Variants in LANCL2 observed in about 807,000 individuals in gnomAD.
LANCL2 encodes LanC like glutathione S-transferase 2, also known as lanC-like protein 2.
A neutral mutation model predicts 56.9 loss-of-function variants in LANCL2; 33 were observed. The observed-to-expected ratio is 0.58, with a 90% CI of 0.44 to 0.78. The LOEUF is 0.78. Ranked by LOEUF, LANCL2 falls within the 30% of genes least tolerant of loss-of-function variation. LANCL2 has a pLI of 0.00. For synonymous variants in LANCL2, 233 were observed against 228.2 expected, an observed-to-expected ratio of 1.02 and a Z score of -0.19; for missense variants, 562 against 580.2, an observed-to-expected ratio of 0.97 and a Z score of 0.32.
chr7:55,390,940 T>C (rs1453893431), intron 1 of LANCL2, among the ~76,000 whole-genome samples: 1 of 151,846 alleles, frequency 6.6e-6, no homozygotes, highest in African/African-American at 2.4e-5. Context: ...TTTATATATA[T>C]ATATTTTTTA....
intron 6 of LANCL2, among the ~76,000 whole-genome samples, chr7:55,417,008 C>T (rs1583763344): frequency 9.6e-6 from 1 of 104,408 alleles, no homozygotes. Flanking sequence ...GAGACAGAGT[C>T]TCACTCTGTC....
intron 6 of LANCL2, among the ~76,000 whole-genome samples, chr7:55,413,029 T>A (rs1790488051): frequency 6.6e-6 from 1 of 152,244 alleles, no homozygotes; most frequent in Non-Finnish European, 1.5e-5. Flanking sequence ...AAATTTTTAG[T>A]CCTCCTACAA....
intron 2 of LANCL2, among the ~76,000 whole-genome samples, chr7:55,394,974 C>T (rs78209465): frequency 0.024 from 3,720 of 152,262 alleles, 162 homozygotes; most frequent in African/African-American, 0.085. Context: ...TGCTGGCCCC[C>T]GCTGACAGTG....
intron 1 of LANCL2, among the ~76,000 whole-genome samples, chr7:55,374,570 T>C (rs1181400306): frequency 6.6e-6 from 1 of 152,188 alleles, no homozygotes; most frequent in East Asian, 1.9e-4. Flanking sequence ...TTTTCCCATG[T>C]AGTAATTAGC....
Position 55,431,525 on chromosome 7 carries a change from T to C in LANCL2, c.*205T>C, listed in dbSNP as rs1446983764. 4 of 530,126 alleles carry C rather than the reference T, an allele frequency of 7.5e-6. No homozygotes were observed. Among genetic ancestry groups the C allele is most frequent in the Non-Finnish European group, 1.3e-5 (4 of 300,786 alleles). The allele number at this position is 530,126 out of a possible 1,614,324, so 32.8% of individuals were successfully genotyped here. On this transcript the variant is annotated 3_prime_UTR_variant, in exon 9 of 9. Coordinates refer to ENST00000254770, the MANE Select transcript of LANCL2 (RefSeq NM_018697.4). The stretch of plus-strand genomic sequence containing the variant: ...CAATATAAAATATGACTTCTTCACA[T>C]ACAGATTCTCTGTAGTGTTTGCATG...
chr7:55,432,310 G>T lies in LANCL2; in HGVS notation c.*990G>T, dbSNP rs1790738666. On this transcript the variant is annotated 3_prime_UTR_variant, in exon 9 of 9. Coordinates refer to ENST00000254770, the MANE Select transcript of LANCL2 (RefSeq NM_018697.4). Reference sequence around the variant, plus strand: ...TGGAAAGTTATCAAAATCTAAATTTGGAATGAATGCATTTCCTATTTTTTG... The same window carrying T: ...TGGAAAGTTATCAAAATCTAAATTTTGAATGAATGCATTTCCTATTTTTTG... 6.6e-6 allele frequency: 1 copy of T among 152,118 alleles called. No individual in the cohort carries two copies. The highest frequency in any genetic ancestry group is 1.9e-4 in the East Asian group (1 of 5,200). 9.4% of individuals were successfully genotyped at this position (152,118 alleles called of 1,614,324 possible). A position where few individuals can be genotyped will look rare whatever the true frequency, so the allele number is the denominator to read the frequency against.
intron 5 of LANCL2, among the ~76,000 whole-genome samples, chr7:55,406,549 A>T (rs575575346): frequency 6.6e-6 from 1 of 152,282 alleles, no homozygotes; most frequent in South Asian, 2.1e-4. Flanking sequence ...CTTAGCTTCA[A>T]GGTTGCCTCA....
At chr7:55,429,927 C>T (rs1005772689) in intron 8 of LANCL2, among the ~76,000 whole-genome samples, 14 of 152,268 alleles carry the variant, frequency 9.2e-5, no homozygotes, top group Admixed American at 1.3e-4. Flanking sequence ...AAGCCGTGTG[C>T]CTAGCAATGC....
At chr7:55,373,421 G>C (rs1276127942) in intron 1 of LANCL2, among the ~76,000 whole-genome samples, 1 of 152,014 alleles carries the variant, frequency 6.6e-6, no homozygotes, top group Non-Finnish European at 1.5e-5. Flanking sequence ...CTCCCAAGTA[G>C]CTGGGACTGC....
chr7:55,367,690 A>C lies in LANCL2; in HGVS notation c.204+1461A>C, dbSNP rs150969531. On this transcript the variant is annotated intron_variant, in intron 1 of 8. Transcript: ENST00000254770. Reference sequence around the variant, plus strand: ...CAGTGAGTGGAGATTGCGCCATTGCACTCCAGCCTGGGCGACAGAGCTAGA... The same window carrying C: ...CAGTGAGTGGAGATTGCGCCATTGCCCTCCAGCCTGGGCGACAGAGCTAGA... Among the ~76,000 whole-genome samples the C allele has an allele frequency of 7.3e-3, 1,116 of 152,280 alleles. 17 individuals carry two copies. Among genetic ancestry groups the C allele is most frequent in the African/African-American group, 0.026 (1,065 of 41,538 alleles).
chr7:55,416,992 T>G (rs13236093), intron 6 of LANCL2, among the ~76,000 whole-genome samples: 6 of 89,148 alleles, frequency 6.7e-5, no homozygotes, highest in South Asian at 3.3e-4. Flanking sequence ...TTTTTTTTTT[T>G]TTTTGGAGAC....
chr7:55,368,868 G>A lies in LANCL2; in HGVS notation c.204+2639G>A, dbSNP rs572898640. Reference sequence around the variant, plus strand: ...TTCTTATATGAAGAAAAGAGAAGCAGGTATGATGGCTCATGCCTGTAATAC... The same window carrying A: ...TTCTTATATGAAGAAAAGAGAAGCAAGTATGATGGCTCATGCCTGTAATAC... On this transcript the variant is annotated intron_variant, in intron 1 of 8. Transcript: ENST00000254770. Among the ~76,000 whole-genome samples, 10 of 152,340 alleles carry A rather than the reference G, an allele frequency of 6.6e-5. No homozygotes were observed. The South Asian group carries it at 2.1e-3, about 32-fold the overall frequency.
chr7:55,430,699 G>T (rs1419805947), intron 8 of LANCL2, among the ~76,000 whole-genome samples: 1 of 152,196 alleles, frequency 6.6e-6, no homozygotes, highest in Non-Finnish European at 1.5e-5. Flanking sequence ...CAGGAGACCT[G>T]GAGGCCTTGG....
intron 1 of LANCL2, among the ~76,000 whole-genome samples, chr7:55,380,870 T>C (rs1161866342): frequency 5.1e-5 from 2 of 39,508 alleles, no homozygotes; most frequent in African/African-American, 1.2e-4. Context: ...AGTGAATTTC[T>C]TTTTTTTTTT....
intron 1 of LANCL2, among the ~76,000 whole-genome samples, chr7:55,379,420 T>C (rs1407799614): frequency 6.6e-6 from 1 of 152,230 alleles, no homozygotes; most frequent in East Asian, 1.9e-4. Flanking sequence ...AACTGTGTCA[T>C]GTGGCCACCC....
chr7:55,394,535 G>A (rs1052335175), intron 2 of LANCL2, among the ~76,000 whole-genome samples: 7 of 152,212 alleles, frequency 4.6e-5, no homozygotes, highest in Non-Finnish European at 7.3e-5. Flanking sequence ...ACTCCAGCCT[G>A]GGTGACAGAG....
At chr7:55,395,068 C>T (rs1179145854) in intron 2 of LANCL2, among the ~76,000 whole-genome samples, 7 of 152,164 alleles carry the variant, frequency 4.6e-5, no homozygotes, top group Non-Finnish European at 1.0e-4. Context: ...ACCAGACTCC[C>T]TGTATGTAAC....
chr7:55,409,158 G>A (rs979263981), intron 5 of LANCL2, among the ~76,000 whole-genome samples: 31 of 149,390 alleles, frequency 2.1e-4, no homozygotes, highest in African/African-American at 7.6e-4. Context: ...GCGCGAACTC[G>A]GCTCACTGCA....
intron 1 of LANCL2, among the ~76,000 whole-genome samples, chr7:55,387,748 A>T (rs1229178856): frequency 6.6e-6 from 1 of 152,118 alleles, no homozygotes; most frequent in East Asian, 1.9e-4. Flanking sequence ...CCTTTTCATG[A>T]CTTACACAGA....
Sources: gnomAD v4.1 joint callset for allele counts (sites outside exome capture counted in the v4.1 genomes callset) on GRCh38, gnomAD v4.1.1 for gene constraint, MANE v1.5 for transcripts, NCBI Gene and HGNC (gene_info 2026-07-23, HGNC 2026-07-21) for gene names.